RORA: variants seen among roughly 807,000 people sequenced by gnomAD.
RORA encodes the protein RAR related orphan receptor A, also known as nuclear receptor ROR-alpha.
RORA carries 7 observed loss-of-function variants against 69.5 expected under a neutral mutation model. The observed-to-expected ratio is 0.10, with a 90% CI of 0.06 to 0.19. The LOEUF is 0.19. Ranked by LOEUF, RORA falls within the 10% of genes least tolerant of loss-of-function variation. RORA has a pLI of 1.00. For synonymous variants in RORA, 261 were observed against 240.8 expected (o/e 1.08, Z -0.78); for missense variants, 457 against 663.0 (o/e 0.69, Z 3.41).
chr15:61,072,492 T>C (rs2078381686), intron 1 of RORA, among the ~76,000 whole-genome samples: 1 of 152,132 alleles, frequency 6.6e-6, no homozygotes, highest in East Asian at 1.9e-4. Flanking sequence ...AGAAATCATC[T>C]GTCCCAAGAA....
chr15:60,744,544 T>G (rs1397660988), intron 1 of RORA, among the ~76,000 whole-genome samples: 11 of 152,172 alleles, frequency 7.2e-5, no homozygotes, highest in Admixed American at 7.2e-4. Context: ...GACATGTCAC[T>G]TACGCTCCCT....
At chr15:60,688,381 A>G (rs1239306716) in intron 1 of RORA, among the ~76,000 whole-genome samples, 1 of 152,192 alleles carries the variant, frequency 6.6e-6, no homozygotes, top group Non-Finnish European at 1.5e-5. Flanking sequence ...AATTTCTATA[A>G]AACACCTGTA....
chr15:60,837,834 C>G (rs987196497), intron 1 of RORA, among the ~76,000 whole-genome samples: 1 of 152,176 alleles, frequency 6.6e-6, no homozygotes, highest in African/African-American at 2.4e-5. Flanking sequence ...ATTTGGACAC[C>G]TCTGGGAGCA....
At chr15:60,962,939 T>C (rs1893455016) in intron 1 of RORA, among the ~76,000 whole-genome samples, 1 of 152,164 alleles carries the variant, frequency 6.6e-6, no homozygotes, top group South Asian at 2.1e-4. Flanking sequence ...CCATTTGTGG[T>C]CATGAAAAAT....
At chr15:60,803,574 G>A (rs1016983355) in intron 1 of RORA, among the ~76,000 whole-genome samples, 1 of 152,232 alleles carries the variant, frequency 6.6e-6, no homozygotes, top group Non-Finnish European at 1.5e-5. Flanking sequence ...TGCAGAGCGG[G>A]AGGGATGCCA....
In RORA at chr15:61,031,041, T is replaced by A. The variant is rs546639178; in HGVS notation, c.166+198012A>T. Among the ~76,000 whole-genome samples, 48 of 152,268 alleles carry A rather than the reference T, an allele frequency of 3.2e-4. No homozygotes were observed. The South Asian group carries it at 9.7e-3, about 31-fold the overall frequency. On this transcript the variant is annotated intron_variant, in intron 1 of 10. Transcript: ENST00000335670. ...TTCAAGTACTTCAAGACCAAAACAG[T>A]TGACATCAGTAACTGTTTAACTGAA... is the stretch of plus-strand genomic sequence containing the variant.
intron 1 of RORA, among the ~76,000 whole-genome samples, chr15:60,788,301 A>G (rs28558071): frequency 0.018 from 2,758 of 152,218 alleles, 87 homozygotes; most frequent in African/African-American, 0.062. Context: ...CACACAGTCG[A>G]GTGGGGAGAC....
At chr15:61,223,004 C>T (rs765800533) in intron 1 of RORA, among the ~76,000 whole-genome samples, 1 of 152,008 alleles carries the variant, frequency 6.6e-6, no homozygotes, top group Non-Finnish European at 1.5e-5. Flanking sequence ...ATATAATATC[C>T]TTCCTGAATA....
At chr15:60,558,346 A>C in intron 2 of RORA, 1 of 1,359,296 alleles carries the variant, frequency 7.4e-7, no homozygotes, top group Non-Finnish European at 1.0e-6. Flanking sequence ...AAAGCTACTA[A>C]TGGGCATTAA....
At chr15:61,053,508 G>A (rs2078043683) in intron 1 of RORA, among the ~76,000 whole-genome samples, 1 of 152,052 alleles carries the variant, frequency 6.6e-6, no homozygotes, top group South Asian at 2.1e-4. Flanking sequence ...TGGCTGCCAT[G>A]AAGGCTCTGA....
chr15:60,514,860 G>A lies in RORA; in HGVS notation c.283-103C>T. The A allele has an allele frequency of 4.9e-6, 4 of 813,906 alleles. No homozygotes were observed. In the South Asian group the frequency reaches 5.8e-5, roughly 12 times the overall value. The allele number at this position is 813,906 out of a possible 1,614,324, so 50.4% of individuals were successfully genotyped here. On this transcript the variant is annotated intron_variant, in intron 3 of 10. Coordinates refer to ENST00000335670, the MANE Select transcript of RORA (RefSeq NM_134261.3). ...CTGAGTGGCATTAATATTTAATGGA[G>A]AATTAAACTTGTAGCAGAATCATCC...
intron 1 of RORA, among the ~76,000 whole-genome samples, chr15:61,021,027 T>C (rs1299469053): frequency 2.0e-5 from 3 of 152,212 alleles, no homozygotes; most frequent in Non-Finnish European, 4.4e-5. Flanking sequence ...TCACTGGTTG[T>C]ACAAGGTCAG....
intron 1 of RORA, among the ~76,000 whole-genome samples, chr15:60,997,039 T>TTTTG (rs2140376124): frequency 1.3e-5 from 2 of 148,424 alleles, no homozygotes; most frequent in Admixed American, 1.3e-4. Context: ...ATATTGGGGT[T>TTTTG]TGTGTGTGTG....
chr15:60,842,249 A>T (rs914205385), intron 1 of RORA, among the ~76,000 whole-genome samples: 3 of 151,922 alleles, frequency 2.0e-5, no homozygotes, highest in African/African-American at 4.8e-5. Context: ...ACAGGTGAAG[A>T]TTTCCCCAAA....
At chr15:60,556,833 C>T in intron 2 of RORA, 1 of 1,574,258 alleles carries the variant, frequency 6.4e-7, no homozygotes, top group Non-Finnish European at 8.7e-7. Context: ...TTGCAAATTA[C>T]AGTGGATGTT....
At chr15:60,677,431 A>AG (rs1359671110) in intron 2 of RORA, among the ~76,000 whole-genome samples, 3 of 152,170 alleles carry the variant, frequency 2.0e-5, no homozygotes, top group Non-Finnish European at 4.4e-5. Flanking sequence ...TGCCATCCGG[A>AG]TCATGTGTCT....
At chr15:61,009,686 C>T (rs1170981367) in intron 1 of RORA, among the ~76,000 whole-genome samples, 1 of 152,210 alleles carries the variant, frequency 6.6e-6, no homozygotes, top group Non-Finnish European at 1.5e-5. Context: ...GATCACTTAA[C>T]ACTTACTTAA....
At position 61,128,915 on chromosome 15, in the gene RORA, T is replaced by C. The variant is rs1293396902; in HGVS notation, c.166+100138A>G. Among the ~76,000 whole-genome samples, 2 of 152,252 alleles carry C rather than the reference T, an allele frequency of 1.3e-5. No homozygotes were observed. The highest frequency in any genetic ancestry group is 2.4e-5 in the African/African-American group (1 of 41,466). ...GGGACCCAAGAAGAGACACTGGCCG[T>C]GGCACCACGTGCCTGCCTTGGGCCC... On this transcript the variant is annotated intron_variant, in intron 1 of 10. Coordinates refer to ENST00000335670, the MANE Select transcript of RORA (RefSeq NM_134261.3). The surrounding 1 kb of genome is among the most constrained non-coding windows in gnomAD (Gnocchi z 4.5).
chr15:61,060,785 G>A (rs2140540065), intron 1 of RORA, among the ~76,000 whole-genome samples: 1 of 152,156 alleles, frequency 6.6e-6, no homozygotes, highest in East Asian at 1.9e-4. Flanking sequence ...TACCCCACTG[G>A]AAGAAGAATT....
Sources: gnomAD v4.1 joint callset for allele counts (sites outside exome capture counted in the v4.1 genomes callset) on GRCh38, gnomAD v4.1.1 for gene constraint, Gnocchi (gnomAD v3.1) non-coding constraint, MANE v1.5 for transcripts, NCBI Gene and HGNC (gene_info 2026-07-23, HGNC 2026-07-21) for gene names.